CPT1C: variants seen among roughly 807,000 people sequenced by gnomAD.
CPT1C encodes carnitine palmitoyltransferase 1C.
A neutral mutation model predicts 97.3 loss-of-function variants in CPT1C; 61 were observed. The observed-to-expected ratio is 0.63, with a 90% CI of 0.51 to 0.78. The LOEUF (loss-of-function observed/expected upper bound fraction) is 0.78. CPT1C is among the 30% of genes least tolerant of loss of function. The pLI is 0.00. For synonymous variants in CPT1C, 469 were observed against 447.2 expected (o/e 1.05, Z -0.61); for missense variants, 975 against 1,065.5 (o/e 0.92, Z 1.18).
chr19:49,706,317 C>A lies in CPT1C; in HGVS notation c.1247C>A (p.Ser416Ter). The change falls in exon 12 of 20, where the codon TCA (serine) becomes TAA (stop). Residue 416 changes from serine (S) to a stop codon, truncating the protein, a stop_gained. Coordinates refer to ENST00000598293, the MANE Select transcript of CPT1C (RefSeq NM_001199753.2). LOFTEE classifies it high-confidence loss of function. The surrounding 1 kb of genome is among the most constrained non-coding windows in gnomAD (Gnocchi z 4.8). ...EAVEGAAFFV[S>*]LDAEPAGLTR... Reference sequence around the variant, plus strand: ...GTGGAAGGGGCCGCTTTCTTTGTGTCACTGGATGCTGAGCCCGCGGGGCTC... The same window carrying A: ...GTGGAAGGGGCCGCTTTCTTTGTGTAACTGGATGCTGAGCCCGCGGGGCTC... 6.6e-7 allele frequency: 1 copy of A among 1,525,310 alleles called. No individual in the cohort carries two copies. The highest frequency in any genetic ancestry group is 1.7e-4 in the Middle Eastern group (1 of 5,728). 94.5% of individuals were successfully genotyped at this position (1,525,310 alleles called of 1,614,324 possible). A position where few individuals can be genotyped will look rare whatever the true frequency, so the allele number is the denominator to read the frequency against.
At chr19:49,711,734 C>A in intron 16 of CPT1C, 75 bp from the exon 17 acceptor site, 1 of 1,476,184 alleles carries the variant, frequency 6.8e-7, no homozygotes, top group Non-Finnish European at 9.1e-7. Flanking sequence ...TCAGTTGAGG[C>A]CAGATGTGCC....
At chr19:49,692,484 C>A in intron 3 of CPT1C, 91 bp downstream of exon 3, 1 of 1,485,874 alleles carries the variant, frequency 6.7e-7, no homozygotes, top group Non-Finnish European at 9.2e-7. Context: ...TCAGCTGGTT[C>A]ATTTCTGGGA....
intron 17 of CPT1C, 105 bp from the exon 18 acceptor site, chr19:49,712,631 G>T (rs2083974211): frequency 1.1e-5 from 9 of 818,286 alleles, no homozygotes; most frequent in Non-Finnish European, 1.9e-5. Context: ...AAGGAGGCCC[G>T]GATTTACGGG....
intron 10 of CPT1C, 49 bp from the exon 11 acceptor site, chr19:49,705,860 T>A: frequency 6.6e-7 from 1 of 1,522,944 alleles, no homozygotes; most frequent in Non-Finnish European, 9.0e-7. Flanking sequence ...TCACTATTTT[T>A]ATGTGTCTGG....
intron 3 of CPT1C, among the ~76,000 whole-genome samples, chr19:49,693,479 G>A (rs952890044): frequency 1.3e-5 from 2 of 152,206 alleles, no homozygotes; most frequent in Non-Finnish European, 2.9e-5. Context: ...GGATAGCCTT[G>A]AAGACTAAAT....
intron 4 of CPT1C, 135 bp from the exon 5 acceptor site, chr19:49,700,549 C>T: frequency 1.1e-6 from 1 of 902,976 alleles, no homozygotes; most frequent in Admixed American, 2.1e-5. Flanking sequence ...ACAGAGCTCA[C>T]ACCTACTAAA....
At position 49,692,238 on chromosome 19, in the gene CPT1C, G is replaced by C. The variant is rs1202464103; in HGVS notation, c.-14-1G>C. On this transcript the variant is annotated splice_acceptor_variant, in intron 2 of 19. Transcript: ENST00000598293. LOFTEE classifies it low-confidence loss of function (5UTR_SPLICE). ...CTGAAGTATGACTCTGCCCGACTCA[G>C]GGCTCCAGCGTGACATGGCTGAAGC... 1.9e-6 allele frequency: 3 copies of C among 1,612,890 alleles called. No homozygotes were observed. The highest frequency in any genetic ancestry group is 2.5e-6 in the Non-Finnish European group (3 of 1,179,936).
chr19:49,708,586 A>G, intron 13 of CPT1C, 137 bp from the exon 14 acceptor site: 3 of 739,842 alleles, frequency 4.1e-6, no homozygotes, highest in Non-Finnish European at 7.3e-6. Context: ...CTGAGACCGC[A>G]TCTGTGAATA....
At chr19:49,693,624 T>A (rs1404985671) in intron 3 of CPT1C, among the ~76,000 whole-genome samples, 1 of 152,096 alleles carries the variant, frequency 6.6e-6, no homozygotes, top group African/African-American at 2.4e-5. Context: ...ACAGCAGATA[T>A]CAACAGACAG....
intron 14 of CPT1C, among the ~76,000 whole-genome samples, chr19:49,709,617 C>G (rs539469095): frequency 6.6e-6 from 1 of 150,382 alleles, no homozygotes; most frequent in Non-Finnish European, 1.5e-5. Context: ...TGCAATGACA[C>G]GATCTCAGTT....
In CPT1C at chr19:49,705,835, G is replaced by A; in HGVS notation, c.965-74G>A. ...TTGAACAACTGACGACACCTAAGAA[G>A]TATATAATAAATGGTCACTATTTTT... On this transcript the variant is annotated intron_variant, in intron 10 of 19. Transcript: ENST00000598293. 14 of 1,345,030 alleles carry A rather than the reference G, an allele frequency of 1.0e-5. No individual in the cohort carries two copies. The South Asian group carries it at 1.6e-4, about 15-fold the overall frequency. 83.3% of individuals were successfully genotyped at this position (1,345,030 alleles called of 1,614,324 possible).
In CPT1C at chr19:49,711,847, C is replaced by G; in HGVS notation, c.1905C>G (p.Asp635Glu). The G allele has an allele frequency of 2.5e-6, 4 of 1,613,834 alleles. No homozygotes were observed. The highest frequency in any genetic ancestry group is 3.4e-6 in the Non-Finnish European group (4 of 1,180,008). Residue 635 changes from aspartate (D) to glutamate (E), a missense_variant, in exon 17 of 20, where the codon GAC becomes GAG. By Grantham distance (45) the Asp-to-Glu change is conservative. Transcript: ENST00000598293. Reference sequence around the variant, plus strand: ...TCGCCCTGTTCCGCGTGGCAGTGGACAAGCACCAGGCTCTGCTGAAGGCAG... The same window carrying G: ...TCGCCCTGTTCCGCGTGGCAGTGGAGAAGCACCAGGCTCTGCTGAAGGCAG... ...QCLALFRVAVDKHQALLKAAM... is the reference protein window; with the variant it reads ...QCLALFRVAVEKHQALLKAAM...
intron 4 of CPT1C, 124 bp downstream of exon 4, chr19:49,697,589 T>A: frequency 1.7e-6 from 2 of 1,166,706 alleles, no homozygotes; most frequent in Non-Finnish European, 2.4e-6. Context: ...TGGGTCAGAT[T>A]AATAAAGGCA....
chr19:49,710,688 G>A, intron 15 of CPT1C, 35 bp from the exon 16 acceptor site: 1 of 1,599,940 alleles, frequency 6.3e-7, no homozygotes, highest in South Asian at 1.1e-5. Flanking sequence ...CCTGAGCCCA[G>A]CTGACAGACT....
chr19:49,699,876 C>T (rs1289357671), intron 4 of CPT1C, among the ~76,000 whole-genome samples: 1 of 151,964 alleles, frequency 6.6e-6, no homozygotes, highest in Non-Finnish European at 1.5e-5. Flanking sequence ...ATTGCTTGAA[C>T]CCAGGAGATG....
chr19:49,711,584 T>C (rs1201810756), intron 16 of CPT1C: 2 of 571,850 alleles, frequency 3.5e-6, no homozygotes, highest in Non-Finnish European at 6.2e-6. Flanking sequence ...GAGTTTGGAC[T>C]CTGGGGCCAG....
Position 49,694,084 on chromosome 19 carries a change from TAAAA to T in CPT1C, c.141+1694_141+1697del, listed in dbSNP as rs66806048. Among the ~76,000 whole-genome samples, 13 of 136,922 alleles carry T rather than the reference TAAAA, an allele frequency of 9.5e-5. No individual in the cohort carries two copies. In the South Asian group the frequency reaches 2.9e-3, roughly 31 times the overall value. 89.8% of individuals were successfully genotyped at this position (136,922 alleles called of 152,430 possible). A position where few individuals can be genotyped will look rare whatever the true frequency, so the allele number is the denominator to read the frequency against. Reference sequence around the variant, plus strand: ...CGTCTCAAAAAAAAATAAAATAAAATAAAAAATAAATAAATAAATAAATAAATAA... The same window carrying T: ...CGTCTCAAAAAAAAATAAAATAAAATAATAAATAAATAAATAAATAAATAA... On this transcript the variant is annotated intron_variant, in intron 3 of 19. Transcript: ENST00000598293.
intron 17 of CPT1C, chr19:49,712,533 A>C (rs1213523443): frequency 3.5e-6 from 2 of 573,390 alleles, no homozygotes; most frequent in South Asian, 2.0e-5. Context: ...CCGAGGGAGA[A>C]GAGGAGAGGG....
At chr19:49,703,499 C>G (rs2123368188) in intron 7 of CPT1C, among the ~76,000 whole-genome samples, 1 of 143,188 alleles carries the variant, frequency 7.0e-6, no homozygotes, top group East Asian at 2.0e-4. Flanking sequence ...CCATGCCCGG[C>G]CTCTTTCTTT....
Sources: allele counts gnomAD v4.1 joint callset (sites outside exome capture counted in the v4.1 genomes callset), GRCh38; gene constraint gnomAD v4.1.1; non-coding constraint Gnocchi (gnomAD v3.1); transcripts MANE v1.5; gene names NCBI Gene and HGNC (gene_info 2026-07-23, HGNC 2026-07-21).